ARMH3: variants seen among roughly 807,000 people sequenced by gnomAD.
ARMH3 encodes armadillo-like helical domain-containing protein 3.
A neutral mutation model predicts 99.1 loss-of-function variants in ARMH3; 60 were observed. The ratio of observed to expected loss-of-function variants is 0.61; its 90% confidence interval spans 0.49 to 0.75. The LOEUF (loss-of-function observed/expected upper bound fraction) is 0.75, where lower values mean the gene tolerates loss of function less well. Among genes scored for constraint, ARMH3 ranks in the 30% least tolerant of loss-of-function variants. The pLI is 0.00. For missense variants in ARMH3, 679 were observed against 843.1 expected (o/e 0.81, Z 2.41); for synonymous variants, 285 against 292.8 (o/e 0.97, Z 0.27).
chr10:102,007,656 TAAAAAAAAAA>T (rs961346897), intron 13 of ARMH3, among the ~76,000 whole-genome samples: 3 of 54,960 alleles, frequency 5.5e-5, no homozygotes, highest in Non-Finnish European at 1.0e-4. Context: ...CTGTCTCTAC[TAAAAAAAAAA>T]AAAAAAAAAA....
At chr10:101,857,941 A>G (rs993297188) in intron 24 of ARMH3, among the ~76,000 whole-genome samples, 1 of 152,218 alleles carries the variant, frequency 6.6e-6, no homozygotes, top group East Asian at 1.9e-4. Flanking sequence ...TTTCTCCCAG[A>G]AGCAATAAAG....
At chr10:101,989,972 C>A (rs1488304279) in intron 19 of ARMH3, among the ~76,000 whole-genome samples, 1 of 152,154 alleles carries the variant, frequency 6.6e-6, no homozygotes, top group East Asian at 1.9e-4. Flanking sequence ...TTACAACAGA[C>A]CCCTGCGATC....
chr10:102,047,984 C>G (rs954533357), intron 1 of ARMH3, among the ~76,000 whole-genome samples: 1 of 152,120 alleles, frequency 6.6e-6, no homozygotes. Flanking sequence ...CCTCCCACAA[C>G]AAAGAATTAT....
intron 19 of ARMH3, among the ~76,000 whole-genome samples, chr10:101,985,733 T>C (rs556166413): frequency 4.0e-5 from 6 of 151,750 alleles, no homozygotes; most frequent in African/African-American, 1.2e-4. Context: ...ATTACACACA[T>C]AGGCCAGGCG....
At chr10:101,936,797 C>T (rs967027485) in intron 23 of ARMH3, among the ~76,000 whole-genome samples, 10 of 152,132 alleles carry the variant, frequency 6.6e-5, no homozygotes, top group African/African-American at 1.9e-4. Flanking sequence ...AAATGTGATA[C>T]ATACAGACAG....
chr10:101,956,588 G>T lies in ARMH3; in HGVS notation c.1705+9C>A. On this transcript the variant is annotated intron_variant, in intron 22 of 25. Transcript: ENST00000370033. ...GTGGAGAGAGGAGTAAAAAGAAAAG[G>T]CAGCTTACCCATGGAGTAGAGGTTG... is the stretch of plus-strand genomic sequence containing the variant. 6.2e-7 allele frequency: 1 copy of T among 1,611,270 alleles called. No homozygotes were observed. Among genetic ancestry groups the T allele is most frequent in the Non-Finnish European group, 8.5e-7 (1 of 1,178,034 alleles).
At chr10:102,027,807 T>C (rs991134002) in intron 5 of ARMH3, among the ~76,000 whole-genome samples, 3 of 151,642 alleles carry the variant, frequency 2.0e-5, no homozygotes, top group Non-Finnish European at 4.4e-5. Flanking sequence ...AATTATATAT[T>C]AATAACTTTT....
chr10:102,013,716 A>G (rs1329982068), intron 9 of ARMH3, among the ~76,000 whole-genome samples: 3 of 152,232 alleles, frequency 2.0e-5, no homozygotes, highest in Admixed American at 6.5e-5. Flanking sequence ...TCAGCACACT[A>G]TAACATGAAA....
chr10:101,895,561 G>A (rs953896029), intron 23 of ARMH3, among the ~76,000 whole-genome samples: 13 of 152,186 alleles, frequency 8.5e-5, no homozygotes, highest in African/African-American at 3.1e-4. Flanking sequence ...TTACAGGTGT[G>A]AGCCACTGCG....
At chr10:102,051,646 T>TC (rs2067710436) in intron 1 of ARMH3, among the ~76,000 whole-genome samples, 1 of 152,070 alleles carries the variant, frequency 6.6e-6, no homozygotes, top group Non-Finnish European at 1.5e-5. Context: ...AATGCTCCCC[T>TC]CAGAATGGGT....
intron 24 of ARMH3, among the ~76,000 whole-genome samples, chr10:101,873,563 G>A (rs957449654): frequency 9.9e-5 from 15 of 151,966 alleles, no homozygotes; most frequent in East Asian, 1.9e-4. Context: ...ACACAGTTAC[G>A]TAACTATTAC....
At chr10:101,913,914 C>T (rs563697111) in intron 23 of ARMH3, among the ~76,000 whole-genome samples, 4 of 152,268 alleles carry the variant, frequency 2.6e-5, no homozygotes, top group Non-Finnish European at 4.4e-5. Flanking sequence ...CATTCTAACT[C>T]GGGTACAGCA....
intron 23 of ARMH3, among the ~76,000 whole-genome samples, chr10:101,911,440 T>C (rs540494349): frequency 1.3e-5 from 2 of 152,132 alleles, no homozygotes; most frequent in Non-Finnish European, 2.9e-5. Flanking sequence ...ACCAGAGTCT[T>C]GTCAAAAAGA....
chr10:101,866,715 G>A (rs184208750), intron 24 of ARMH3, among the ~76,000 whole-genome samples: 11 of 152,278 alleles, frequency 7.2e-5, no homozygotes, highest in Admixed American at 2.6e-4. Flanking sequence ...AAACAGGAAG[G>A]TGAAGAATTT....
At chr10:102,029,408 T>C in intron 5 of ARMH3, 1 of 1,495,582 alleles carries the variant, frequency 6.7e-7, no homozygotes, top group Non-Finnish European at 9.0e-7. Context: ...AATAAACTAT[T>C]CTGTCTTTAT....
chr10:101,949,488 AT>A (rs1312676225), intron 22 of ARMH3, among the ~76,000 whole-genome samples: 1 of 152,144 alleles, frequency 6.6e-6, no homozygotes, highest in Non-Finnish European at 1.5e-5. Flanking sequence ...AATAAAACAA[AT>A]TTCTTCAAAG....
chr10:101,959,048 AC>A (rs1204293663), intron 20 of ARMH3, among the ~76,000 whole-genome samples: 1 of 152,172 alleles, frequency 6.6e-6, no homozygotes, highest in African/African-American at 2.4e-5. Flanking sequence ...TAAACTCTTT[AC>A]CCCGGCCCCA....
intron 23 of ARMH3, among the ~76,000 whole-genome samples, chr10:101,901,270 T>C (rs575246492): frequency 6.7e-6 from 1 of 149,008 alleles, no homozygotes; most frequent in Non-Finnish European, 1.5e-5. Flanking sequence ...GGGTGGGCCA[T>C]ATGGATCACG....
At chr10:101,986,314 A>G (rs914216122) in intron 19 of ARMH3, among the ~76,000 whole-genome samples, 1 of 152,180 alleles carries the variant, frequency 6.6e-6, no homozygotes, top group African/African-American at 2.4e-5. Flanking sequence ...TTACTCTCCC[A>G]GAGACTATAT....
Sources: gnomAD v4.1 joint callset for allele counts (sites outside exome capture counted in the v4.1 genomes callset) on GRCh38, gnomAD v4.1.1 for gene constraint, MANE v1.5 for transcripts, NCBI Gene and HGNC (gene_info 2026-07-23, HGNC 2026-07-21) for gene names.